Variants in ANKRD26 observed in about 807,000 individuals in gnomAD.
ANKRD26 encodes ankyrin repeat domain-containing protein 26.
Under a neutral mutation model 208.7 loss-of-function variants are expected in ANKRD26, and 141 were observed. The observed-to-expected ratio is 0.68, with a 90% CI of 0.59 to 0.78. The LOEUF (loss-of-function observed/expected upper bound fraction) is 0.78, where lower values mean the gene tolerates loss of function less well. Among genes scored for constraint, ANKRD26 ranks in the 30% least tolerant of loss-of-function variants. The pLI is 0.00. For missense variants in ANKRD26, 1,889 were observed against 1,938.7 expected (o/e 0.97, Z 0.48); for synonymous variants, 636 against 660.4 (o/e 0.96, Z 0.57).
intron 32 of ANKRD26, among the ~76,000 whole-genome samples, chr10:27,007,944 C>A (rs1295231591): frequency 1.3e-5 from 2 of 151,920 alleles, no homozygotes; most frequent in Non-Finnish European, 2.9e-5. Context: ...TGATTCACAA[C>A]TTGGTAGAAT....
chr10:27,028,280 A>G lies in ANKRD26; in HGVS notation c.3972+572T>C, dbSNP rs924980568. Among the ~76,000 whole-genome samples the G allele has an allele frequency of 7.9e-5, 12 of 152,132 alleles. 1 individual carries two copies. Among genetic ancestry groups the G allele is most frequent in the Admixed American group, 2.0e-4 (3 of 15,264 alleles). On this transcript the variant is annotated intron_variant, in intron 27 of 33. Transcript: ENST00000376087. ...GAAAACACAGTCAAAACTCTGTTTC[A>G]TGCATAAAATTATTTTTAAAATATT...
At chr10:27,012,805 C>T in intron 32 of ANKRD26, 77 bp downstream of exon 32, 1 of 1,423,306 alleles carries the variant, frequency 7.0e-7, no homozygotes, top group Non-Finnish European at 9.9e-7. Context: ...GAGTAAAACG[C>T]TGTCTCAAAA....
chr10:27,081,656 A>G (rs1216297611), intron 6 of ANKRD26, among the ~76,000 whole-genome samples: 1 of 152,158 alleles, frequency 6.6e-6, no homozygotes, highest in Non-Finnish European at 1.5e-5. Flanking sequence ...AATGAGGAAT[A>G]CTTAGCTGGC....
At chr10:26,983,779 T>A (rs1234003407) in intron 3 of ANKRD26, among the ~76,000 whole-genome samples, 1 of 152,212 alleles carries the variant, frequency 6.6e-6, no homozygotes, top group Non-Finnish European at 1.5e-5. Context: ...GCTTTTCCCA[T>A]GTGCCTTTCT....
At chr10:27,095,420 C>T (rs567120904) in intron 1 of ANKRD26, among the ~76,000 whole-genome samples, 20 of 152,334 alleles carry the variant, frequency 1.3e-4, no homozygotes, top group African/African-American at 4.8e-4. Flanking sequence ...GTAATCCCAA[C>T]ACTTTGGGAA....
At chr10:27,069,608 C>T (rs1164012612) in intron 9 of ANKRD26, among the ~76,000 whole-genome samples, 1 of 152,086 alleles carries the variant, frequency 6.6e-6, no homozygotes, top group Non-Finnish European at 1.5e-5. Flanking sequence ...TGGACCCCGC[C>T]TACCCAGGGG....
In ANKRD26 at chr10:27,011,510, T is replaced by C. The variant is rs1440434888; in HGVS notation, c.4953+1372A>G. 2.6e-5 allele frequency among the ~76,000 whole-genome samples: 4 copies of C among 152,198 alleles called. No homozygotes were observed. The East Asian group carries it at 7.7e-4, about 29-fold the overall frequency. ...AAACTGGATCAAGCATAGTTGATTT[T>C]TTTTTTCCCTACCAAGTCTACAATT... is the stretch of plus-strand genomic sequence containing the variant. On this transcript the variant is annotated intron_variant, in intron 32 of 33. Coordinates refer to ENST00000376087, the MANE Select transcript of ANKRD26 (RefSeq NM_014915.3).
chr10:27,050,613 C>A (rs1041771884), intron 16 of ANKRD26, among the ~76,000 whole-genome samples: 2 of 152,094 alleles, frequency 1.3e-5, no homozygotes, highest in Non-Finnish European at 2.9e-5. Context: ...TATTTGTTAA[C>A]AATACTCAGG....
intron 9 of ANKRD26, among the ~76,000 whole-genome samples, chr10:27,071,159 ATTTTTTTTTTT>A (rs71386906): frequency 3.7e-4 from 32 of 85,838 alleles, no homozygotes; most frequent in Non-Finnish European, 5.3e-4. Flanking sequence ...TGCTACATTC[ATTTTTTTTTTT>A]TTTTTTTTTT....
rs2052557113 is a variant in ANKRD26 at position 26,994,953 on chromosome 10, G to A, written c.*29+88C>T. On this transcript the variant is annotated intron_variant, in intron 5 of 5. Coordinates refer to the ANKRD26 transcript ENST00000445828. ...CTGATCTGCCTTGGGGAAGAGGACTGGCTTCAATTACCTCTAATAAGGAAA... is the reference window on the plus strand; with the variant it reads ...CTGATCTGCCTTGGGGAAGAGGACTAGCTTCAATTACCTCTAATAAGGAAA... 5 of 418,128 alleles carry A rather than the reference G, an allele frequency of 1.2e-5. No homozygotes were observed. The Admixed American group carries it at 1.3e-4, about 11-fold the overall frequency. 25.9% of individuals were successfully genotyped at this position (418,128 alleles called of 1,614,324 possible).
intron 29 of ANKRD26, among the ~76,000 whole-genome samples, chr10:27,021,182 T>C (rs952190929): frequency 6.6e-6 from 1 of 152,192 alleles, no homozygotes; most frequent in African/African-American, 2.4e-5. Flanking sequence ...TATTTTCTTT[T>C]CCATTGTCTA....
At chr10:27,022,771 A>G (rs1589229466) in intron 28 of ANKRD26, 84 bp from the exon 29 acceptor site, 3 of 1,282,876 alleles carry the variant, frequency 2.3e-6, no homozygotes, top group African/African-American at 3.0e-5. Flanking sequence ...ATGTTTTAGC[A>G]TGTAAGAAAA....
intron 9 of ANKRD26, among the ~76,000 whole-genome samples, chr10:27,070,356 C>T (rs1178501160): frequency 2.7e-5 from 4 of 150,306 alleles, no homozygotes; most frequent in Non-Finnish European, 4.4e-5. Flanking sequence ...GCTGAGATCC[C>T]GCCACTGCAC....
chr10:27,048,515 T>C (rs927475525), intron 17 of ANKRD26, among the ~76,000 whole-genome samples: 15 of 152,214 alleles, frequency 9.9e-5, no homozygotes, highest in Admixed American at 5.2e-4. Context: ...CATACTAAAT[T>C]ATCCTTCAAA....
intron 32 of ANKRD26, among the ~76,000 whole-genome samples, chr10:27,009,817 G>C (rs998040381): frequency 6.6e-6 from 1 of 152,132 alleles, no homozygotes; most frequent in African/African-American, 2.4e-5. Context: ...TTATGCTTCA[G>C]GTGGCGGAGG....
At chr10:27,047,957 C>T (rs12261555) in intron 17 of ANKRD26, among the ~76,000 whole-genome samples, 14,417 of 151,918 alleles carry the variant, frequency 0.095, 2,210 homozygotes, top group African/African-American at 0.33. Context: ...TTTCCAGGCT[C>T]ATCTGGAACT....
intron 5 of ANKRD26, chr10:26,994,946 G>C (rs2052556998): frequency 2.5e-6 from 1 of 406,686 alleles, no homozygotes; most frequent in African/African-American, 2.0e-5. Flanking sequence ...CCTTGGGGAA[G>C]AGGACTGGCT....
chr10:26,985,395 G>A (rs1357111765), intron 3 of ANKRD26, among the ~76,000 whole-genome samples: 1 of 152,094 alleles, frequency 6.6e-6, no homozygotes, highest in Non-Finnish European at 1.5e-5. Context: ...TGGAATAATG[G>A]GTTTATTATT....
At chr10:26,992,632 C>T (rs1025116705) in intron 5 of ANKRD26, among the ~76,000 whole-genome samples, 1 of 152,084 alleles carries the variant, frequency 6.6e-6, no homozygotes, top group South Asian at 2.1e-4. Flanking sequence ...TTACTCTAGC[C>T]TTTTTGGTTG....
Sources: allele counts gnomAD v4.1 joint callset (sites outside exome capture counted in the v4.1 genomes callset), GRCh38; gene constraint gnomAD v4.1.1; transcripts MANE v1.5; gene names NCBI Gene and HGNC (gene_info 2026-07-23, HGNC 2026-07-21).